CSGALNACT1: variants seen among roughly 807,000 people sequenced by gnomAD.
The protein encoded by CSGALNACT1 is chondroitin sulfate N-acetylgalactosaminyltransferase 1, also known as beta4GalNAcT-1.
CSGALNACT1 carries 52 observed loss-of-function variants against 51.0 expected under a neutral mutation model. The observed-to-expected ratio is 1.02, with a 90% CI of 0.82 to 1.29. The LOEUF (loss-of-function observed/expected upper bound fraction) is 1.29. Among genes scored for constraint, CSGALNACT1 ranks in the 50% most tolerant of loss-of-function variants. The pLI is 0.00. For missense variants in CSGALNACT1, 935 were observed against 679.2 expected, an observed-to-expected ratio of 1.38 and a Z score of -4.19; for synonymous variants, 341 against 254.4, an observed-to-expected ratio of 1.34 and a Z score of -3.24.
Position 19,655,551 on chromosome 8 carries a change from C to CACATATATATGCACAT in CSGALNACT1, c.-544+26921_-544+26922insATGTGCATATATATGT, listed in dbSNP as rs66911321. ...ATTTTTACATATACATCTATATGCA[C>CACATATATATGCACAT]ATATATATACACACACACACACACA... On this transcript the variant is annotated intron_variant, in intron 1 of 9. Transcript: ENST00000332246. Among the ~76,000 whole-genome samples the CACATATATATGCACAT allele has an allele frequency of 3.8e-3, 483 of 126,064 alleles. 2 individuals carry two copies. Among genetic ancestry groups the CACATATATATGCACAT allele is most frequent in the African/African-American group, 0.014 (423 of 29,920 alleles). The allele number at this position is 126,064 out of a possible 152,430, so 82.7% of individuals were successfully genotyped here.
At chr8:19,637,727 G>C (rs1350195427) in intron 1 of CSGALNACT1, among the ~76,000 whole-genome samples, 4 of 152,134 alleles carry the variant, frequency 2.6e-5, no homozygotes, top group African/African-American at 7.2e-5. Flanking sequence ...GAATCAGTTT[G>C]TCACTGCTGT....
chr8:19,503,718 C>T (rs1049038130), intron 4 of CSGALNACT1, among the ~76,000 whole-genome samples: 2 of 151,776 alleles, frequency 1.3e-5, no homozygotes, highest in Admixed American at 6.6e-5. Flanking sequence ...GTGTGCTTAC[C>T]ATGTGCTTAT....
intron 1 of CSGALNACT1, among the ~76,000 whole-genome samples, chr8:19,735,593 TTTATC>T (rs1268683609): frequency 2.0e-5 from 3 of 152,272 alleles, no homozygotes; most frequent in African/African-American, 7.2e-5. Flanking sequence ...ATAAAAATGT[TTTATC>T]TTTAAGTGTA....
rs373052496 is a variant in CSGALNACT1 at position 19,440,880 on chromosome 8, T to C, written c.852-949A>G. Among the ~76,000 whole-genome samples, 18 of 152,194 alleles carry C rather than the reference T, an allele frequency of 1.2e-4. No homozygotes were observed. In the South Asian group the frequency reaches 1.9e-3, roughly 16 times the overall value. On this transcript the variant is annotated intron_variant, in intron 5 of 9. Transcript: ENST00000454498. ...GCAACTTCAGCAAAGTCTCAGGATA[T>C]AAAATCAATGTACAAAAATCACAAG...
chr8:19,597,285 CTTTTTTTT>C (rs35177349), intron 2 of CSGALNACT1, among the ~76,000 whole-genome samples: 18 of 64,568 alleles, frequency 2.8e-4, no homozygotes, highest in African/African-American at 8.3e-4. Flanking sequence ...TATCTTCTTT[CTTTTTTTT>C]TTTTTTTTTT....
At chr8:19,452,211 G>A (rs556035433) in intron 5 of CSGALNACT1, among the ~76,000 whole-genome samples, 5 of 152,286 alleles carry the variant, frequency 3.3e-5, no homozygotes, top group South Asian at 2.1e-4. Context: ...GCTCGTTGGC[G>A]AGAAAACAGA....
chr8:19,542,200 A>AACAC (rs55968136), intron 3 of CSGALNACT1, among the ~76,000 whole-genome samples: 11,828 of 143,922 alleles, frequency 0.082, 540 homozygotes, highest in East Asian at 0.13. Context: ...CAGCACAAGA[A>AACAC]ACACACACAC....
intron 1 of CSGALNACT1, among the ~76,000 whole-genome samples, chr8:19,749,215 GTGT>G (rs2064876747): frequency 1.3e-5 from 2 of 148,748 alleles, no homozygotes; most frequent in African/African-American, 5.0e-5. Context: ...CTGTCCTTCT[GTGT>G]TTTTTTTTTT....
intron 1 of CSGALNACT1, among the ~76,000 whole-genome samples, chr8:19,621,831 G>A (rs938418751): frequency 6.6e-6 from 1 of 152,152 alleles, no homozygotes; most frequent in Non-Finnish European, 1.5e-5. Context: ...CTCATCAATG[G>A]CAAGAGTGAT....
intron 2 of CSGALNACT1, among the ~76,000 whole-genome samples, chr8:19,596,981 C>T (rs1588878810): frequency 6.6e-6 from 1 of 152,244 alleles, no homozygotes; most frequent in South Asian, 2.1e-4. Context: ...ACTCCGTACC[C>T]ATTAAACAAG....
chr8:19,420,272 CA>C, intron 7 of CSGALNACT1, 67 bp downstream of exon 6: 1 of 1,436,974 alleles, frequency 7.0e-7, no homozygotes, highest in Non-Finnish European at 9.8e-7. Flanking sequence ...ACTGACCCAT[CA>C]AGAGGACGAC....
chr8:19,756,417 A>G (rs2065379633), intron 1 of CSGALNACT1, among the ~76,000 whole-genome samples: 1 of 152,224 alleles, frequency 6.6e-6, no homozygotes, highest in Non-Finnish European at 1.5e-5. Flanking sequence ...TGGCAGGCAC[A>G]GTGCTGTTAA....
chr8:19,688,300 G>A (rs112210986), intron 1 of CSGALNACT1, among the ~76,000 whole-genome samples: 12 of 152,262 alleles, frequency 7.9e-5, no homozygotes, highest in African/African-American at 1.2e-4. Flanking sequence ...CTATAGGGAC[G>A]TCACCAGGGT....
intron 1 of CSGALNACT1, among the ~76,000 whole-genome samples, chr8:19,741,658 G>C (rs556522375): frequency 6.6e-6 from 1 of 151,804 alleles, no homozygotes; most frequent in Non-Finnish European, 1.5e-5. Context: ...ATGAACTATA[G>C]GGACATTTAA....
At chr8:19,599,612 G>T (rs911031194) in intron 2 of CSGALNACT1, among the ~76,000 whole-genome samples, 3 of 151,884 alleles carry the variant, frequency 2.0e-5, no homozygotes, top group Non-Finnish European at 4.4e-5. Flanking sequence ...AGGAAAGAAA[G>T]AATAAATAAA....
At position 19,672,160 on chromosome 8, in the gene CSGALNACT1, T is replaced by C. The variant is rs540912021; in HGVS notation, c.-544+10313A>G. Among the ~76,000 whole-genome samples, 48 of 152,336 alleles carry C rather than the reference T, an allele frequency of 3.2e-4. 1 individual carries two copies. In the South Asian group the frequency reaches 9.3e-3, roughly 30 times the overall value. ...TGTCTCCCTCTCTTTCTGTCAAGGT[T>C]CCTGCCTCCCACACATGGCAATTTT... is the stretch of plus-strand genomic sequence containing the variant. On this transcript the variant is annotated intron_variant, in intron 1 of 9. Transcript: ENST00000332246.
At chr8:19,629,517 T>C (rs1006308077) in intron 1 of CSGALNACT1, among the ~76,000 whole-genome samples, 6 of 152,228 alleles carry the variant, frequency 3.9e-5, no homozygotes, top group African/African-American at 1.2e-4. Context: ...CTGCCTGGTA[T>C]TGGAGATGTG....
chr8:19,606,450 T>C (rs1397338900), upstream of CSGALNACT1, among the ~76,000 whole-genome samples: 1 of 152,178 alleles, frequency 6.6e-6, no homozygotes, highest in East Asian at 1.9e-4. Context: ...ACATGATAAA[T>C]TGTGTGTTAC....
chr8:19,706,964 C>G (rs1564453126), intron 1 of CSGALNACT1, among the ~76,000 whole-genome samples: 1 of 152,004 alleles, frequency 6.6e-6, no homozygotes, highest in Non-Finnish European at 1.5e-5. Flanking sequence ...CAGGACAGTC[C>G]TAGAGCTAAA....
Sources: allele counts gnomAD v4.1 joint callset (sites outside exome capture counted in the v4.1 genomes callset), GRCh38; gene constraint gnomAD v4.1.1; transcripts MANE v1.5; gene names NCBI Gene and HGNC (gene_info 2026-07-23, HGNC 2026-07-21).